Variants in SRGAP2 observed in about 807,000 individuals in gnomAD.
SRGAP2 encodes the protein SLIT-ROBO Rho GTPase activating protein 2.
SRGAP2 carries 15 observed loss-of-function variants against 57.2 expected under a neutral mutation model. The ratio of observed to expected loss-of-function variants is 0.26; its 90% CI spans 0.18 to 0.40. SRGAP2 has a LOEUF of 0.40. Among genes scored for constraint, SRGAP2 ranks in the 10% least tolerant of loss-of-function variants. SRGAP2 has a pLI of 1.00. For missense variants in SRGAP2, 520 were observed against 669.6 expected, an observed-to-expected ratio of 0.78 and a Z score of 2.47; for synonymous variants, 249 against 248.0, an observed-to-expected ratio of 1.00 and a Z score of -0.04.
chr1:206,347,727 TTC>T (rs1365890623), intron 4 of SRGAP2, among the ~76,000 whole-genome samples: 2 of 149,876 alleles, frequency 1.3e-5, no homozygotes, highest in African/African-American at 2.5e-5. Flanking sequence ...ATCCTGGATT[TTC>T]TCTGTTTCAT....
chr1:206,230,187 T>C (rs1379460950), intron 2 of SRGAP2, among the ~76,000 whole-genome samples: 3 of 152,008 alleles, frequency 2.0e-5, no homozygotes, highest in African/African-American at 4.8e-5. Flanking sequence ...ATTGGCATGC[T>C]TTGTAATGGA....
intron 14 of SRGAP2, among the ~76,000 whole-genome samples, chr1:206,432,434 G>C (rs1387883770): frequency 6.6e-6 from 1 of 152,198 alleles, no homozygotes; most frequent in African/African-American, 2.4e-5. Flanking sequence ...AATTTGCCAT[G>C]AAGTTACATC....
At chr1:206,449,488 T>C (rs1342046673) in intron 18 of SRGAP2, among the ~76,000 whole-genome samples, 1 of 150,934 alleles carries the variant, frequency 6.6e-6, no homozygotes, top group East Asian at 2.0e-4. Context: ...CAGGGTCTCA[T>C]TAAGTTGCCC....
chr1:206,284,913 CT>C lies in SRGAP2; in HGVS notation c.68-18367del, dbSNP rs1410514283. ...AATGATGTTTATTAGCTCATCACCC[CT>C]AATCGTTGTGCATACTCACTTGATA... On this transcript the variant is annotated intron_variant, in intron 2 of 22. Transcript: ENST00000573034. 4.5e-3 allele frequency among the ~76,000 whole-genome samples: 685 copies of C among 152,334 alleles called. 10 individuals are homozygous for C. Among genetic ancestry groups the C allele is most frequent in the African/African-American group, 0.016 (653 of 41,566 alleles).
At chr1:206,354,677 A>G (rs1387107401) in intron 4 of SRGAP2, among the ~76,000 whole-genome samples, 2 of 152,166 alleles carry the variant, frequency 1.3e-5, no homozygotes, top group African/African-American at 4.8e-5. Flanking sequence ...TTTCCAATGT[A>G]TGGTTGAACC....
intron 3 of SRGAP2, among the ~76,000 whole-genome samples, chr1:206,324,399 T>C (rs1673711009): frequency 6.6e-6 from 1 of 152,276 alleles, no homozygotes; most frequent in African/African-American, 2.4e-5. Flanking sequence ...TCTAGACGTT[T>C]ATACCCTTTT....
intron 3 of SRGAP2, among the ~76,000 whole-genome samples, chr1:206,307,571 C>T (rs1366583925): frequency 1.3e-5 from 2 of 152,202 alleles, no homozygotes; most frequent in African/African-American, 2.4e-5. Context: ...TCAGACATGG[C>T]GGGCTGCAGG....
In SRGAP2 at chr1:206,395,840, A is replaced by T. The variant is rs1572044671; in HGVS notation, c.831+2167A>T. Among the ~76,000 whole-genome samples the T allele has an allele frequency of 5.3e-5, 8 of 151,666 alleles. No individual in the cohort carries two copies. The South Asian group carries it at 1.7e-3, about 32-fold the overall frequency. On this transcript the variant is annotated intron_variant, in intron 7 of 22. Coordinates refer to ENST00000573034, the MANE Select transcript of SRGAP2 (RefSeq NM_015326.5). ...ACCTTATTTTCATCATTTAAAAAAA[A>T]AAAAACGTCTGCTAAGAGCCTAATT...
At chr1:206,427,116 C>A (rs782802447) in intron 13 of SRGAP2, among the ~76,000 whole-genome samples, 10 of 151,844 alleles carry the variant, frequency 6.6e-5, no homozygotes, top group Non-Finnish European at 1.5e-4. Context: ...ACATTGAAGT[C>A]TTTAATCCAT....
At position 206,347,485 on chromosome 1, in the gene SRGAP2, G is replaced by A. The variant is rs531336408; in HGVS notation, c.423+4477G>A. On this transcript the variant is annotated intron_variant, in intron 4 of 22. Coordinates refer to ENST00000573034, the MANE Select transcript of SRGAP2 (RefSeq NM_015326.5). Reference sequence around the variant, plus strand: ...CCAGCTACTCAAGAGATTGAAGCAGGAGAATCTCTTGAACCCGGGAAGTGG... The same window carrying A: ...CCAGCTACTCAAGAGATTGAAGCAGAAGAATCTCTTGAACCCGGGAAGTGG... 3.4e-5 allele frequency among the ~76,000 whole-genome samples: 5 copies of A among 148,398 alleles called. No individual in the cohort carries two copies. In the East Asian group the frequency reaches 1.0e-3, roughly 30 times the overall value.
rs1453402210 is a variant in SRGAP2, at chr1:206,303,880, TCTCTCTCTCA to T, written c.260+409_260+418del. Among the ~76,000 whole-genome samples the T allele has an allele frequency of 4.9e-3, 683 of 138,630 alleles. 2 individuals carry two copies. The highest frequency in any genetic ancestry group is 0.019 in the African/African-American group (646 of 33,600). The allele number at this position is 138,630 out of a possible 152,430, so 90.9% of individuals were successfully genotyped here. ...CTATCTTAATCTCTGTCTCTCTCTC[TCTCTCTCTCA>T]CACACACACACACACACACACACAC... On this transcript the variant is annotated intron_variant, in intron 3 of 22. Transcript: ENST00000573034.
chr1:206,437,710 TC>T (rs1407522586), intron 15 of SRGAP2: 11 of 462,672 alleles, frequency 2.4e-5, no homozygotes, highest in Non-Finnish European at 3.9e-5. Flanking sequence ...ATAGGGAATG[TC>T]CCTGAGCCAG....
At position 206,454,186 on chromosome 1, in the gene SRGAP2, G is replaced by T; in HGVS notation, c.2361-692G>T. 1.4e-6 allele frequency: 1 copy of T among 702,188 alleles called. No homozygotes were observed. The highest frequency in any genetic ancestry group is 2.6e-6 in the Non-Finnish European group (1 of 384,850). 43.5% of individuals were successfully genotyped at this position (702,188 alleles called of 1,614,324 possible). On this transcript the variant is annotated intron_variant, in intron 20 of 22. Coordinates refer to ENST00000573034, the MANE Select transcript of SRGAP2 (RefSeq NM_015326.5). The surrounding 1 kb of genome is among the most constrained non-coding windows in gnomAD (Gnocchi z 4.3). ...GTCTGCACCCTCCCAGCCTCTTCCC[G>T]GCTCGTTCTGCAGGGAAATCCTCCC...
At chr1:206,301,791 C>T (rs1385967388) in intron 2 of SRGAP2, among the ~76,000 whole-genome samples, 1 of 151,422 alleles carries the variant, frequency 6.6e-6, no homozygotes, top group Non-Finnish European at 1.5e-5. Context: ...CACCTGAGAT[C>T]ATCTGCAAAG....
intron 4 of SRGAP2, among the ~76,000 whole-genome samples, chr1:206,367,349 A>G (rs1298635457): frequency 1.3e-4 from 20 of 152,200 alleles, no homozygotes; most frequent in African/African-American, 4.3e-4. Flanking sequence ...GTATAAGATT[A>G]GGAGAATACA....
chr1:206,423,949 ATTTTTT>A (rs782243765), intron 13 of SRGAP2, among the ~76,000 whole-genome samples: 2 of 87,744 alleles, frequency 2.3e-5, no homozygotes, highest in African/African-American at 8.4e-5. Context: ...TAATTTATGT[ATTTTTT>A]TTTTTTTTTT....
At position 206,446,238 on chromosome 1, in the gene SRGAP2, C is replaced by T; in HGVS notation, c.2038C>T (p.Pro680Ser). The T allele has an allele frequency of 1.3e-6, 1 of 780,950 alleles. No individual in the cohort carries two copies. Among genetic ancestry groups the T allele is most frequent in the East Asian group, 2.4e-5 (1 of 41,248 alleles). 48.4% of individuals were successfully genotyped at this position (780,950 alleles called of 1,614,324 possible). A position where few individuals can be genotyped will look rare whatever the true frequency, so the allele number is the denominator to read the frequency against. The change falls in exon 18 of 23, where the codon CCA becomes TCA. Residue 680 changes from proline to serine, a missense_variant. This residue lies in a region of SRGAP2 where 478 missense variants were observed against 373.6 expected (regional missense o/e 1.28). Transcript: ENST00000573034. The stretch of plus-strand genomic sequence containing the variant: ...CATCATCCAGCATGAGAACATCTTC[C>T]CAAGCCCCAGGGAGCTGGAGGGCCC... ...TIIIQHENIFPSPRELEGPVY... is the reference protein window; with the variant it reads ...TIIIQHENIFSSPRELEGPVY...
intron 2 of SRGAP2, among the ~76,000 whole-genome samples, chr1:206,262,622 TA>T (rs879954643): frequency 2.6e-3 from 346 of 134,174 alleles, no homozygotes; most frequent in Middle Eastern, 3.8e-3. Context: ...TGGTGGAGAT[TA>T]AAAAAAAAAA....
chr1:206,456,463 C>T (rs1663841782), intron 21 of SRGAP2, among the ~76,000 whole-genome samples: 1 of 152,100 alleles, frequency 6.6e-6, no homozygotes, highest in South Asian at 2.1e-4. Context: ...ATCAAAAGGT[C>T]GTGATCCTAT....
Sources: gnomAD v4.1 joint callset for allele counts (sites outside exome capture counted in the v4.1 genomes callset) on GRCh38, gnomAD v4.1.1 for gene constraint, gnomAD v4.1.1 regional missense constraint, Gnocchi (gnomAD v3.1) non-coding constraint, MANE v1.5 for transcripts, NCBI Gene and HGNC (gene_info 2026-07-23, HGNC 2026-07-21) for gene names.